SLC37A3: variants seen among roughly 807,000 people sequenced by gnomAD.
SLC37A3 encodes the protein solute carrier family 37 member 3, also known as sugar phosphate exchanger 3.
SLC37A3 carries 51 observed loss-of-function variants against 67.1 expected under a neutral mutation model. The ratio of observed to expected loss-of-function variants is 0.76; its 90% CI spans 0.61 to 0.96. The LOEUF (loss-of-function observed/expected upper bound fraction) is 0.96, where lower values mean the gene tolerates loss of function less well. Ranked by LOEUF, SLC37A3 falls within the 40% of genes least tolerant of loss-of-function variation. SLC37A3 has a pLI of 0.00. For synonymous variants in SLC37A3, 214 were observed against 231.4 expected, an observed-to-expected ratio of 0.92 and a Z score of 0.68; for missense variants, 508 against 603.0, an observed-to-expected ratio of 0.84 and a Z score of 1.65.
intron 1 of SLC37A3, among the ~76,000 whole-genome samples, chr7:140,391,957 C>T (rs937272780): frequency 7.9e-5 from 12 of 152,198 alleles, no homozygotes; most frequent in African/African-American, 2.9e-4. Context: ...AACATACTCT[C>T]AGACCTTCTC....
intron 5 of SLC37A3, among the ~76,000 whole-genome samples, chr7:140,363,067 GT>G (rs1182547036): frequency 2.2e-5 from 2 of 92,044 alleles, no homozygotes; most frequent in African/African-American, 7.9e-5. Flanking sequence ...AGGGAGGGTG[GT>G]GGGGGGGGTC....
chr7:140,355,860 A>C, intron 6 of SLC37A3, 96 bp from the exon 7 acceptor site: 1 of 956,984 alleles, frequency 1.0e-6, no homozygotes, highest in Non-Finnish European at 1.6e-6. Flanking sequence ...CAAGGTGCAT[A>C]CTACCAAGAC....
chr7:140,387,241 C>T (rs1342451117), intron 1 of SLC37A3, among the ~76,000 whole-genome samples: 1 of 151,934 alleles, frequency 6.6e-6, no homozygotes, highest in African/African-American at 2.4e-5. Context: ...GAGGCCGAGG[C>T]GGGTGGATTG....
At chr7:140,350,667 G>A (rs557149243) in intron 9 of SLC37A3, among the ~76,000 whole-genome samples, 1 of 152,244 alleles carries the variant, frequency 6.6e-6, no homozygotes, top group African/African-American at 2.4e-5. Context: ...GGGAGGCTGA[G>A]GCAGGAGAAT....
At chr7:140,353,710 G>A (rs1796907833) in intron 7 of SLC37A3, among the ~76,000 whole-genome samples, 1 of 150,986 alleles carries the variant, frequency 6.6e-6, no homozygotes, top group African/African-American at 2.4e-5. Context: ...TTAGCACACT[G>A]TTTTGTTTTG....
intron 13 of SLC37A3, among the ~76,000 whole-genome samples, chr7:140,341,306 C>A (rs1796353067): frequency 6.6e-6 from 1 of 152,068 alleles, no homozygotes; most frequent in South Asian, 2.1e-4. Context: ...TCTTACTGAA[C>A]CCCTAGTATG....
At chr7:140,392,832 C>T (rs1432806077) in intron 1 of SLC37A3, among the ~76,000 whole-genome samples, 3 of 152,140 alleles carry the variant, frequency 2.0e-5, no homozygotes, top group African/African-American at 7.2e-5. Context: ...TGGCTCACAC[C>T]TGTAATCTCA....
chr7:140,346,912 G>A (rs146394156), intron 10 of SLC37A3, among the ~76,000 whole-genome samples: 75 of 152,056 alleles, frequency 4.9e-4, no homozygotes, highest in African/African-American at 1.7e-3. Flanking sequence ...ACTCTAGCCT[G>A]GGCAACAGAG....
chr7:140,352,142 G>T lies in SLC37A3; in HGVS notation c.623C>A (p.Ala208Asp). 6.2e-7 allele frequency: 1 copy of T among 1,605,852 alleles called. No homozygotes were observed. The highest frequency in any genetic ancestry group is 8.5e-7 in the Non-Finnish European group (1 of 1,175,282). The change falls in exon 8 of 15, where the codon GCC becomes GAC. Residue 208 changes from alanine (A) to aspartate (D), a missense_variant. By Grantham distance (126) the Ala-to-Asp change is moderately radical (BLOSUM62 -2). Transcript: ENST00000326232. ...SSVLQYGYEY[A>D]FLVTASVQFA... ...CTGCACAGACGCCGTCACCAGAAAG[G>T]CATACTGGAGGAGAGGGGTGAAAGG...
At chr7:140,386,988 T>C (rs1215133400) in intron 1 of SLC37A3, 1 of 152,322 alleles carries the variant, frequency 6.6e-6, no homozygotes, top group East Asian at 1.9e-4. Flanking sequence ...TATTTTTAAT[T>C]GACAAATACA....
At chr7:140,345,762 G>A in intron 11 of SLC37A3, 107 bp downstream of exon 11, 2 of 844,394 alleles carry the variant, frequency 2.4e-6, no homozygotes, top group Non-Finnish European at 2.1e-6. Context: ...GGGCCTTGAA[G>A]CTGGTCTCCA....
intron 1 of SLC37A3, among the ~76,000 whole-genome samples, chr7:140,391,730 C>A (rs775886100): frequency 9.9e-5 from 15 of 152,136 alleles, no homozygotes; most frequent in Non-Finnish European, 1.9e-4. Flanking sequence ...AGGACATATA[C>A]CCCTCCTGAG....
chr7:140,370,193 T>A (rs909524567), intron 3 of SLC37A3, among the ~76,000 whole-genome samples: 1 of 152,102 alleles, frequency 6.6e-6, no homozygotes, highest in South Asian at 2.1e-4. Context: ...ACATAGTAAT[T>A]GTACATATTG....
At chr7:140,382,384 C>T in intron 2 of SLC37A3, 54 bp downstream of exon 2, 1 of 1,468,040 alleles carries the variant, frequency 6.8e-7, no homozygotes. Flanking sequence ...TGCAATATCT[C>T]CCTCAAAAGA....
chr7:140,376,578 A>T (rs1190740237), intron 3 of SLC37A3, among the ~76,000 whole-genome samples: 1 of 152,182 alleles, frequency 6.6e-6, no homozygotes, highest in Non-Finnish European at 1.5e-5. Context: ...TGAGTTTCCC[A>T]GGTGAGAATG....
chr7:140,378,095 G>C (rs1391530705), intron 3 of SLC37A3, among the ~76,000 whole-genome samples: 3 of 152,120 alleles, frequency 2.0e-5, no homozygotes, highest in Non-Finnish European at 4.4e-5. Flanking sequence ...TAAAAATAAA[G>C]GCAGCCTTAG....
rs1459603633 is a variant in SLC37A3, at chr7:140,375,756, AG to A, written c.198+4525del. ...TCCAAAGCACCGGAACTAATTTCTA[AG>A]TGGCCTCTGGCACCAATCTGGTTAC... On this transcript the variant is annotated intron_variant, in intron 3 of 14. Transcript: ENST00000326232. Among the ~76,000 whole-genome samples the A allele has an allele frequency of 2.0e-5, 3 of 152,240 alleles. No homozygotes were observed. The East Asian group carries it at 5.8e-4, about 29-fold the overall frequency.
At chr7:140,377,895 A>T (rs779915618) in intron 3 of SLC37A3, among the ~76,000 whole-genome samples, 1 of 152,076 alleles carries the variant, frequency 6.6e-6, no homozygotes, top group Non-Finnish European at 1.5e-5. Flanking sequence ...AAATTTTTTT[A>T]TTTAAAATTA....
intron 13 of SLC37A3, among the ~76,000 whole-genome samples, chr7:140,341,403 A>T (rs1796356755): frequency 6.6e-6 from 1 of 152,126 alleles, no homozygotes; most frequent in Non-Finnish European, 1.5e-5. Flanking sequence ...TTACACCGTG[A>T]CAGGTGCCTA....
Sources: allele counts gnomAD v4.1 joint callset (sites outside exome capture counted in the v4.1 genomes callset), GRCh38; gene constraint gnomAD v4.1.1; transcripts MANE v1.5; gene names NCBI Gene and HGNC (gene_info 2026-07-23, HGNC 2026-07-21).